TLN1: variants seen among roughly 807,000 people sequenced by gnomAD.
TLN1 encodes the protein talin 1.
Under a neutral mutation model 292.3 loss-of-function variants are expected in TLN1, and 56 were observed. The observed-to-expected ratio is 0.19, with a 90% CI of 0.15 to 0.24. The LOEUF is 0.24. Ranked by LOEUF, TLN1 falls within the 10% of genes least tolerant of loss-of-function variation. TLN1 has a pLI of 1.00. For missense variants in TLN1, 2,433 were observed against 3,248.2 expected, an observed-to-expected ratio of 0.75 and a Z score of 6.10; for synonymous variants, 1,119 against 1,253.7, an observed-to-expected ratio of 0.89 and a Z score of 2.27.
In TLN1 at chr9:35,719,875, CAG is replaced by C; in HGVS notation, c.1465-24_1465-23del. ...AAGTCTAAAGACAAGTGGGGAGAAA[CAG>C]GGACTGGAATGGATGTTTGGAGAAA... On this transcript the variant is annotated intron_variant, in intron 13 of 56. Coordinates refer to ENST00000314888, the MANE Select transcript of TLN1 (RefSeq NM_006289.4). This position sits in a 1 kb window ranked among gnomAD's most constrained non-coding sequence, Gnocchi z 4.6. 1.3e-6 allele frequency: 2 copies of C among 1,574,018 alleles called. No individual in the cohort carries two copies. Among genetic ancestry groups the C allele is most frequent in the Non-Finnish European group, 1.7e-6 (2 of 1,158,566 alleles).
chr9:35,722,995 G>C, intron 7 of TLN1, 74 bp from the exon 8 acceptor site: 1 of 1,315,214 alleles, frequency 7.6e-7, no homozygotes, highest in Non-Finnish European at 1.1e-6. Context: ...CTGTGGGCCT[G>C]GGGGTATGAG....
Position 35,700,352 on chromosome 9 carries a change from C to G in TLN1, c.6499G>C (p.Ala2167Pro). Reference protein sequence around the residue: ...LAVFCSPEPPAKTSTPEDFIR... With the variant: ...LAVFCSPEPPPKTSTPEDFIR... ...AAGTCTTCTGGGGTAGAGGTCTTGG[C>G]AGGTGGCTCTGGGGAACAGAAAACC... The change falls in exon 49 of 57, where the codon GCC becomes CCC. Residue 2167 changes from alanine to proline, a missense_variant. By Grantham distance (27) the Ala-to-Pro change is conservative. Around this residue, in one of 7 missense-constraint regions of TLN1, gnomAD observed 1,384 missense variants for 1,699.6 expected, o/e 0.81. Coordinates refer to ENST00000314888, the MANE Select transcript of TLN1 (RefSeq NM_006289.4). 6.2e-7 allele frequency: 1 copy of G among 1,602,606 alleles called. No individual in the cohort carries two copies. Among genetic ancestry groups the G allele is most frequent in the South Asian group, 1.1e-5 (1 of 90,856 alleles).
Position 35,713,409 on chromosome 9 carries a change from T to G in TLN1, c.3250-111A>C. The G allele has an allele frequency of 8.6e-6, 7 of 815,036 alleles. No individual in the cohort carries two copies. In the South Asian group the frequency reaches 1.3e-4, roughly 15 times the overall value. 50.5% of individuals were successfully genotyped at this position (815,036 alleles called of 1,614,324 possible). A position where few individuals can be genotyped will look rare whatever the true frequency, so the allele number is the denominator to read the frequency against. Reference sequence around the variant, plus strand: ...ATTTAAATAAATGTTTTGGGCTGGGTGCGATGGCTCCCACCTATAATCCTA... The same window carrying G: ...ATTTAAATAAATGTTTTGGGCTGGGGGCGATGGCTCCCACCTATAATCCTA... On this transcript the variant is annotated intron_variant, in intron 25 of 56. Coordinates refer to ENST00000314888, the MANE Select transcript of TLN1 (RefSeq NM_006289.4).
intron 20 of TLN1, among the ~76,000 whole-genome samples, chr9:35,715,456 G>A (rs1417713282): frequency 6.6e-6 from 1 of 152,226 alleles, no homozygotes; most frequent in Non-Finnish European, 1.5e-5. Context: ...AATACCACAC[G>A]AGTGAGGTGA....
Position 35,705,797 on chromosome 9 carries a change from T to C in TLN1, c.5566A>G (p.Thr1856Ala), listed in dbSNP as rs1825553911. ...PEGSFVDYQT[T>A]MVRTAKAIAV... ...ATGGCCTTGGCTGTCCGCACCATAG[T>C]TGTTTGGTAATCCACGAAGGAACCT... The change falls in exon 42 of 57, where the codon ACT becomes GCT. Residue 1856 changes from threonine to alanine, a missense_variant. This residue lies in a region of TLN1 where 1,384 missense variants were observed against 1,699.6 expected (regional missense o/e 0.81). Transcript: ENST00000314888. 1 of 1,614,212 alleles carries C rather than the reference T, an allele frequency of 6.2e-7. No homozygotes were observed. Among genetic ancestry groups the C allele is most frequent in the African/African-American group, 1.3e-5 (1 of 75,040 alleles).
chr9:35,726,589 TC>T (rs1399660350), intron 1 of TLN1, among the ~76,000 whole-genome samples: 2 of 152,160 alleles, frequency 1.3e-5, no homozygotes, highest in Non-Finnish European at 2.9e-5. Flanking sequence ...GCAAACAAAC[TC>T]TAGCTAGCCT....
chr9:35,700,101 T>G lies in TLN1; in HGVS notation c.6661-20A>C. On this transcript the variant is annotated intron_variant, in intron 49 of 56. Coordinates refer to ENST00000314888, the MANE Select transcript of TLN1 (RefSeq NM_006289.4). Reference sequence around the variant, plus strand: ...TGCTTCCTGTCCCCAGAGTAATATGTTAGCTTTAGGCCCCGCAGATCCCTA... The same window carrying G: ...TGCTTCCTGTCCCCAGAGTAATATGGTAGCTTTAGGCCCCGCAGATCCCTA... The G allele has an allele frequency of 6.2e-7, 1 of 1,604,384 alleles. No individual in the cohort carries two copies. The highest frequency in any genetic ancestry group is 1.7e-5 in the Admixed American group (1 of 59,570).
rs1473705745 is a variant in TLN1 at position 35,707,391 on chromosome 9, G to A, written c.4730C>T (p.Ser1577Phe). ...EAVDNLSAFA[S>F]NPEFSSIPAQ... The stretch of plus-strand genomic sequence containing the variant: ...AGGAATGCTGGAGAACTCAGGGTTG[G>A]ACGCAAAGGCACTCAGATTGTCCAC... Residue 1577 changes from serine (S) to phenylalanine (F), a missense_variant, in exon 36 of 57, where the codon TCC (serine) becomes TTC (phenylalanine). Around this residue, in one of 7 missense-constraint regions of TLN1, gnomAD observed 1,384 missense variants for 1,699.6 expected, o/e 0.81. Transcript: ENST00000314888. The surrounding 1 kb of genome is among the most constrained non-coding windows in gnomAD (Gnocchi z 5.6). 1 of 1,614,048 alleles carries A rather than the reference G, an allele frequency of 6.2e-7. No individual in the cohort carries two copies. Among genetic ancestry groups the A allele is most frequent in the East Asian group, 2.2e-5 (1 of 44,888 alleles).
In TLN1 at chr9:35,699,311, A is replaced by C. The variant is rs1825423375; in HGVS notation, c.6874+45T>G. 1.9e-6 allele frequency: 3 copies of C among 1,582,830 alleles called. No homozygotes were observed. The highest frequency in any genetic ancestry group is 2.6e-6 in the Non-Finnish European group (3 of 1,163,068). ...CCAGCCAGGAAGCAGAGATCACACC[A>C]TGATAAGGGTTTTCCATCCGTCCCT... On this transcript the variant is annotated intron_variant, in intron 51 of 56. Transcript: ENST00000314888. The surrounding 1 kb of genome is among the most constrained non-coding windows in gnomAD (Gnocchi z 4.0).
Position 35,698,038 on chromosome 9 carries a change from G to A in TLN1, c.7500+6C>T. 1 of 1,614,156 alleles carries A rather than the reference G, an allele frequency of 6.2e-7. No individual in the cohort carries two copies. The highest frequency in any genetic ancestry group is 8.5e-7 in the Non-Finnish European group (1 of 1,180,028). ...AGCGTCCCTCAGCATCTGGGGTGAA[G>A]CTCACCTGGGCAATGCCGCCAACCA... On this transcript the variant is annotated splice_donor_region_variant and intron_variant, in intron 56 of 56. Coordinates refer to ENST00000314888, the MANE Select transcript of TLN1 (RefSeq NM_006289.4). The surrounding 1 kb of genome is among the most constrained non-coding windows in gnomAD (Gnocchi z 5.3).
At position 35,724,911 on chromosome 9, in the gene TLN1, G is replaced by C; in HGVS notation, c.277C>G (p.Leu93Val). The C allele has an allele frequency of 6.2e-7, 1 of 1,614,176 alleles. No individual in the cohort carries two copies. Among genetic ancestry groups the C allele is most frequent in the Non-Finnish European group, 8.5e-7 (1 of 1,180,042 alleles). Reference protein sequence around the residue: ...KKQRPLKIRMLDGTVKTIMVD... With the variant: ...KKQRPLKIRMVDGTVKTIMVD... ...ATGATCGTCTTCACAGTTCCATCCAGCATACGGATCTTCAGGGGTCTCTGT... is the reference window on the plus strand; with the variant it reads ...ATGATCGTCTTCACAGTTCCATCCACCATACGGATCTTCAGGGGTCTCTGT... Residue 93 changes from leucine to valine, a missense_variant, in exon 4 of 57, where the codon CTG becomes GTG. Leu to Val is a conservative substitution (Grantham distance 32). Around this residue, in one of 7 missense-constraint regions of TLN1, gnomAD observed 155 missense variants for 287.9 expected, o/e 0.54. Coordinates refer to ENST00000314888, the MANE Select transcript of TLN1 (RefSeq NM_006289.4). The surrounding 1 kb of genome is among the most constrained non-coding windows in gnomAD (Gnocchi z 4.7).
In TLN1 at chr9:35,698,924, C is replaced by T. The variant is rs1487450968; in HGVS notation, c.7009G>A (p.Glu2337Lys). The T allele has an allele frequency of 6.2e-7, 1 of 1,613,634 alleles. No individual in the cohort carries two copies. The highest frequency in any genetic ancestry group is 8.5e-7 in the Non-Finnish European group (1 of 1,179,678). ...ATCTGCTCCTCAAAGTTCAAGGACT[C>T]ATCTGCCTCCTGCAATAAGCGAAGG... ...KPRAKPKEAD[E>K]SLNFEEQILE... The change falls in exon 53 of 57, where the codon GAG (glutamate) becomes AAG (lysine). Residue 2337 changes from glutamate (E) to lysine (K), a missense_variant. Around this residue, in one of 7 missense-constraint regions of TLN1, gnomAD observed 1,384 missense variants for 1,699.6 expected, o/e 0.81. Transcript: ENST00000314888. This position sits in a 1 kb window ranked among gnomAD's most constrained non-coding sequence, Gnocchi z 5.3.
chr9:35,719,529 G>A lies in TLN1; in HGVS notation c.1677C>T (p.Asn559=). 1 of 1,613,952 alleles carries A rather than the reference G, an allele frequency of 6.2e-7. No individual in the cohort carries two copies. Among genetic ancestry groups the A allele is most frequent in the Non-Finnish European group, 8.5e-7 (1 of 1,179,890 alleles). Residue 559 remains asparagine, a synonymous_variant, in exon 15 of 57, where the codon AAC becomes AAT. Coordinates refer to ENST00000314888, the MANE Select transcript of TLN1 (RefSeq NM_006289.4). This position sits in a 1 kb window ranked among gnomAD's most constrained non-coding sequence, Gnocchi z 4.6. ...TAGCATCCGGCCTACCTGCTGTCAG[G>A]TTCACCACAGACGCAGTACCAGCTG... ...AITAGTASVV[N]LTAGDPAETD... is the part of the protein sequence containing the mutation.
rs1218921099 is a variant in TLN1 at position 35,712,931 on chromosome 9, G to T, written c.3465C>A (p.Ala1155=). The T allele has an allele frequency of 1.2e-6, 2 of 1,609,004 alleles. No individual in the cohort carries two copies. The highest frequency in any genetic ancestry group is 3.4e-5 in the Admixed American group (2 of 59,394). Residue 1155 remains alanine (A), a synonymous_variant, in exon 27 of 57, where the codon GCC becomes GCA. Transcript: ENST00000314888. ...PAVQAIVLDT[A]SDVLDKASSL... ...TGCTGGCCTTGTCCAGCACATCACT[G>T]GCCGTATCAAGTACAATGGCCTGCA...
intron 7 of TLN1, chr9:35,723,712 G>C (rs1209305835): frequency 3.9e-6 from 2 of 510,442 alleles, no homozygotes; most frequent in African/African-American, 3.9e-5. Flanking sequence ...TCTCAAAAAA[G>C]AGTGACATGC....
chr9:35,717,608 T>C lies in TLN1; in HGVS notation c.2163+11A>G, dbSNP rs752618687. Reference sequence around the variant, plus strand: ...CCCTCAGCACGGACTAGAGCAACCTTTGGGGCTCACCTTAGTACAGGCCAC... The same window carrying C: ...CCCTCAGCACGGACTAGAGCAACCTCTGGGGCTCACCTTAGTACAGGCCAC... On this transcript the variant is annotated intron_variant, in intron 18 of 56. Coordinates refer to ENST00000314888, the MANE Select transcript of TLN1 (RefSeq NM_006289.4). This position sits in a 1 kb window ranked among gnomAD's most constrained non-coding sequence, Gnocchi z 4.7. 1.2e-6 allele frequency: 2 copies of C among 1,603,750 alleles called. No homozygotes were observed. Among genetic ancestry groups the C allele is most frequent in the South Asian group, 1.1e-5 (1 of 90,802 alleles).
At position 35,714,084 on chromosome 9, in the gene TLN1, A is replaced by G. The variant is rs200028906; in HGVS notation, c.3121-3T>C. Reference sequence around the variant, plus strand: ...AAAGGTCCACATGCTTCCTGAGCCTATGATAAGAAAGGGGTTTTGGGTGTA... The same window carrying G: ...AAAGGTCCACATGCTTCCTGAGCCTGTGATAAGAAAGGGGTTTTGGGTGTA... On this transcript the variant is annotated splice_polypyrimidine_tract_variant and splice_region_variant and intron_variant, in intron 24 of 56. Transcript: ENST00000314888. The surrounding 1 kb of genome is among the most constrained non-coding windows in gnomAD (Gnocchi z 4.6). 377 of 1,613,956 alleles carry G rather than the reference A, an allele frequency of 2.3e-4. 3 individuals carry two copies. The African/African-American group carries it at 4.2e-3, about 18-fold the overall frequency.
At chr9:35,715,583 A>G (rs2131897389) in intron 20 of TLN1, among the ~76,000 whole-genome samples, 1 of 152,338 alleles carries the variant, frequency 6.6e-6, no homozygotes, top group East Asian at 1.9e-4. Flanking sequence ...GGGGCCTAGG[A>G]ATCATCTGGG....
In TLN1 at chr9:35,719,982, G is replaced by A. The variant is rs1378817287; in HGVS notation, c.1464+57C>T. ...GAAAAGACTGCCTAACTCCTGGCTCGGCCCAGCTGAGGGTGAGAGAAGGGC... is the reference window on the plus strand; with the variant it reads ...GAAAAGACTGCCTAACTCCTGGCTCAGCCCAGCTGAGGGTGAGAGAAGGGC... On this transcript the variant is annotated intron_variant, in intron 13 of 56. Transcript: ENST00000314888. The surrounding 1 kb of genome is among the most constrained non-coding windows in gnomAD (Gnocchi z 4.6). 24 of 1,583,834 alleles carry A rather than the reference G, an allele frequency of 1.5e-5. No individual in the cohort carries two copies. Among genetic ancestry groups the A allele is most frequent in the Non-Finnish European group, 1.9e-5 (22 of 1,163,132 alleles).
Sources: gnomAD v4.1 joint callset for allele counts (sites outside exome capture counted in the v4.1 genomes callset) on GRCh38, gnomAD v4.1.1 for gene constraint, gnomAD v4.1.1 regional missense constraint, Gnocchi (gnomAD v3.1) non-coding constraint, MANE v1.5 for transcripts, NCBI Gene and HGNC (gene_info 2026-07-23, HGNC 2026-07-21) for gene names.